RHBDL3: variants seen among roughly 807,000 people sequenced by gnomAD.
RHBDL3 encodes rhomboid like 3, also known as rhomboid-related protein 3.
In RHBDL3, 28 loss-of-function variants were observed where a neutral mutation model predicts 48.2. The ratio of observed to expected loss-of-function variants is 0.58; its 90% CI spans 0.43 to 0.80. RHBDL3 has a LOEUF of 0.80. Among genes scored for constraint, RHBDL3 ranks in the 30% least tolerant of loss-of-function variants. The pLI is 0.00. For missense variants in RHBDL3, 464 were observed against 542.7 expected, an observed-to-expected ratio of 0.85 and a Z score of 1.44; for synonymous variants, 208 against 232.3, an observed-to-expected ratio of 0.90 and a Z score of 0.95.
Position 32,266,270 on chromosome 17 carries a change from C to A in RHBDL3, c.81C>A (p.Ala27=). ...GCATCGAGGAGCTGGAACCCGAGGC[C>A]GAGGAGCGGCTGCCCGCGGCGCCGG... The part of the protein sequence containing the change: ...AERIEELEPE[A]EERLPAAPED... The change falls in exon 1 of 9, where the codon GCC becomes GCA. Residue 27 remains alanine (A), a synonymous_variant. Transcript: ENST00000269051. 6.8e-7 allele frequency: 1 copy of A among 1,468,250 alleles called. No homozygotes were observed. The highest frequency in any genetic ancestry group is 9.0e-7 in the Non-Finnish European group (1 of 1,117,170). The allele number at this position is 1,468,250 out of a possible 1,614,324, so 91.0% of individuals were successfully genotyped here.
Position 32,321,455 on chromosome 17 carries a change from C to A in RHBDL3, c.*226C>A. Reference sequence around the variant, plus strand: ...GCTGCTGTCGTTTTTCTCGGCTGCTCTGATGACATCGGGCCAGGGTGAAGG... The same window carrying A: ...GCTGCTGTCGTTTTTCTCGGCTGCTATGATGACATCGGGCCAGGGTGAAGG... On this transcript the variant is annotated 3_prime_UTR_variant, in exon 9 of 9. Transcript: ENST00000269051. 1 of 1,288,632 alleles carries A rather than the reference C, an allele frequency of 7.8e-7. No individual in the cohort carries two copies. The highest frequency in any genetic ancestry group is 1.1e-6 in the Non-Finnish European group (1 of 941,882). 79.8% of individuals were successfully genotyped at this position (1,288,632 alleles called of 1,614,324 possible).
At chr17:32,282,394 C>T (rs1051797588) in intron 2 of RHBDL3, among the ~76,000 whole-genome samples, 5 of 152,076 alleles carry the variant, frequency 3.3e-5, no homozygotes, top group Admixed American at 2.0e-4. Context: ...TAGTGAGAGC[C>T]CATCACTACA....
chr17:32,310,623 G>A (rs1347664247), intron 7 of RHBDL3, among the ~76,000 whole-genome samples: 1 of 152,136 alleles, frequency 6.6e-6, no homozygotes, highest in African/African-American at 2.4e-5. Context: ...TGAGGCAGAA[G>A]AATCGCTTGA....
rs534402793 is a variant in RHBDL3, at chr17:32,305,550, C to A, written c.882+109C>A. The A allele has an allele frequency of 1.8e-5, 14 of 772,780 alleles. No homozygotes were observed. In the East Asian group the frequency reaches 2.3e-4, roughly 13 times the overall value. The allele number at this position is 772,780 out of a possible 1,614,324, so 47.9% of individuals were successfully genotyped here. On this transcript the variant is annotated intron_variant, in intron 7 of 8. Coordinates refer to ENST00000269051, the MANE Select transcript of RHBDL3 (RefSeq NM_138328.3). ...CTCACCAAAAACCAGGCAGACCTGA[C>A]CTGGAGCAGAGTTCTCACACACTCC... is the stretch of plus-strand genomic sequence containing the variant.
Position 32,321,432 on chromosome 17 carries a change from T to TGCTGTC in RHBDL3, c.*205_*210dup. ...CATCTGGCGGAGGAGTTGATGTGGCTGCTGTCGTTTTTCTCGGCTGCTCTG... is the reference window on the plus strand; with the variant it reads ...CATCTGGCGGAGGAGTTGATGTGGCTGCTGTCGCTGTCGTTTTTCTCGGCTGCTCTG... On this transcript the variant is annotated 3_prime_UTR_variant, in exon 9 of 9. Transcript: ENST00000269051. The TGCTGTC allele has an allele frequency of 1.4e-6, 2 of 1,467,586 alleles. No individual in the cohort carries two copies. 90.9% of individuals were successfully genotyped at this position (1,467,586 alleles called of 1,614,324 possible). A position where few individuals can be genotyped will look rare whatever the true frequency, so the allele number is the denominator to read the frequency against.
chr17:32,292,282 T>C (rs1225132924), intron 4 of RHBDL3, among the ~76,000 whole-genome samples: 1 of 152,104 alleles, frequency 6.6e-6, no homozygotes, highest in Non-Finnish European at 1.5e-5. Context: ...GCACTGTTGG[T>C]GGGAAAGTAA....
intron 4 of RHBDL3, among the ~76,000 whole-genome samples, chr17:32,290,037 G>A (rs1042628455): frequency 6.6e-5 from 10 of 152,148 alleles, no homozygotes; most frequent in African/African-American, 2.4e-4. Context: ...TACTGTGCTG[G>A]TCTATTTATT....
At chr17:32,297,158 A>G (rs954115435) in intron 5 of RHBDL3, among the ~76,000 whole-genome samples, 5 of 151,474 alleles carry the variant, frequency 3.3e-5, no homozygotes, top group Admixed American at 6.6e-5. Flanking sequence ...GCTAACATCC[A>G]TAGCTCTTAC....
chr17:32,317,998 C>A (rs2041016402), intron 8 of RHBDL3, among the ~76,000 whole-genome samples: 1 of 149,818 alleles, frequency 6.7e-6, no homozygotes, highest in South Asian at 2.1e-4. Flanking sequence ...CGCTTGAGCC[C>A]AGGAGTTTAA....
At chr17:32,305,567 A>T in intron 7 of RHBDL3, 126 bp downstream of exon 7, 1 of 704,656 alleles carries the variant, frequency 1.4e-6, no homozygotes. Flanking sequence ...CAGAGTTCTC[A>T]CACACTCCTC....
chr17:32,273,291 C>T (rs376888587), intron 2 of RHBDL3, among the ~76,000 whole-genome samples: 2 of 152,330 alleles, frequency 1.3e-5, no homozygotes, highest in African/African-American at 2.4e-5. Flanking sequence ...CGCGAGCCAC[C>T]GCGCCCAGCC....
In RHBDL3 at chr17:32,323,855, ACCTGAC is replaced by A. The variant is rs1368031415; in HGVS notation, c.*2629_*2634del. 1 of 152,268 alleles carries A rather than the reference ACCTGAC, an allele frequency of 6.6e-6. No homozygotes were observed. Among genetic ancestry groups the A allele is most frequent in the Non-Finnish European group, 1.5e-5 (1 of 68,120 alleles). The allele number at this position is 152,268 out of a possible 1,614,324, so 9.4% of individuals were successfully genotyped here. On this transcript the variant is annotated 3_prime_UTR_variant, in exon 9 of 9. Coordinates refer to ENST00000269051, the MANE Select transcript of RHBDL3 (RefSeq NM_138328.3). Reference sequence around the variant, plus strand: ...CAGGGTGGGGTCATAGGGTCACTTCACCTGACCCAGGCCTCTCCCCAGGTCAGGAGG... The same window carrying A: ...CAGGGTGGGGTCATAGGGTCACTTCACCAGGCCTCTCCCCAGGTCAGGAGG...
chr17:32,322,523 G>A lies in RHBDL3; in HGVS notation c.*1294G>A, dbSNP rs1183131309. 1 of 152,330 alleles carries A rather than the reference G, an allele frequency of 6.6e-6. No homozygotes were observed. Among genetic ancestry groups the A allele is most frequent in the Non-Finnish European group, 1.5e-5 (1 of 68,154 alleles). The allele number at this position is 152,330 out of a possible 1,614,324, so 9.4% of individuals were successfully genotyped here. On this transcript the variant is annotated 3_prime_UTR_variant, in exon 9 of 9. Coordinates refer to ENST00000269051, the MANE Select transcript of RHBDL3 (RefSeq NM_138328.3). ...GCTTTGGGGGCGCAAGAGAGGCTGG[G>A]GTAGGAATGTTGAGGCCATGTGTCC...
At chr17:32,298,955 G>T (rs2040518570) in intron 6 of RHBDL3, among the ~76,000 whole-genome samples, 1 of 152,170 alleles carries the variant, frequency 6.6e-6, no homozygotes, top group Admixed American at 6.5e-5. Context: ...AGTTAGCTGG[G>T]GAGAGCACGG....
intron 7 of RHBDL3, among the ~76,000 whole-genome samples, chr17:32,315,872 C>T (rs1040371428): frequency 2.6e-5 from 4 of 151,778 alleles, no homozygotes; most frequent in Non-Finnish European, 4.4e-5. Context: ...TTTTATCATC[C>T]TGGTGGTTCT....
chr17:32,285,132 G>A (rs1039795880), intron 3 of RHBDL3, among the ~76,000 whole-genome samples: 4 of 144,508 alleles, frequency 2.8e-5, no homozygotes, highest in Admixed American at 2.7e-4. Context: ...GAGGGAGGGA[G>A]AGAGAGAGGG....
At chr17:32,273,551 C>T (rs575943040) in intron 2 of RHBDL3, among the ~76,000 whole-genome samples, 110 of 152,310 alleles carry the variant, frequency 7.2e-4, no homozygotes, top group African/African-American at 2.4e-3. Context: ...GACCTCTTCA[C>T]GCCTCAGTTT....
At chr17:32,291,188 C>A (rs2040318698) in intron 4 of RHBDL3, among the ~76,000 whole-genome samples, 2 of 151,386 alleles carry the variant, frequency 1.3e-5, no homozygotes, top group South Asian at 4.2e-4. Flanking sequence ...TAAAAATTAG[C>A]CAGGCATGGT....
At chr17:32,276,937 GGCCCTAGCACCTTACTCCA>G (rs2039927758) in intron 2 of RHBDL3, among the ~76,000 whole-genome samples, 2 of 142,420 alleles carry the variant, frequency 1.4e-5, no homozygotes, top group African/African-American at 5.4e-5. Flanking sequence ...ACCTTACTCC[GGCCCTAGCACCTTACTCCA>G]GCCCTAGCAC....
Sources: allele counts gnomAD v4.1 joint callset (sites outside exome capture counted in the v4.1 genomes callset), GRCh38; gene constraint gnomAD v4.1.1; transcripts MANE v1.5; gene names NCBI Gene and HGNC (gene_info 2026-07-23, HGNC 2026-07-21).